PDIA4: variants seen among roughly 807,000 people sequenced by gnomAD.
PDIA4 encodes the protein protein disulfide isomerase family A member 4, also known as protein disulfide-isomerase A4.
Under a neutral mutation model 62.1 loss-of-function variants are expected in PDIA4, and 33 were observed. That is an observed-to-expected ratio of 0.53 (90% CI 0.40 to 0.71). The LOEUF (loss-of-function observed/expected upper bound fraction) is 0.71, where lower values mean the gene tolerates loss of function less well. Among genes scored for constraint, PDIA4 ranks in the 30% least tolerant of loss-of-function variants. The pLI is 0.00. For synonymous variants in PDIA4, 341 were observed against 324.1 expected (o/e 1.05, Z -0.56); for missense variants, 804 against 813.6 (o/e 0.99, Z 0.14).
intron 7 of PDIA4, 41 bp downstream of exon 7, chr7:149,008,118 G>A: frequency 6.3e-7 from 1 of 1,595,926 alleles, no homozygotes. Context: ...CCTCATGCCT[G>A]CGGGGTGTCC....
intron 9 of PDIA4, 111 bp downstream of exon 9, chr7:149,005,030 T>C (rs1487529355): frequency 1.3e-6 from 1 of 795,892 alleles, no homozygotes. Context: ...CTGGCTGACT[T>C]AAGGGGGTGT....
rs1823658616 is a variant in PDIA4 at position 149,004,161 on chromosome 7, T to C, written c.1571A>G (p.Lys524Arg). Residue 524 changes from lysine (K) to arginine (R), a missense_variant, in exon 10 of 10, where the codon AAG (lysine) becomes AGG (arginine). By Grantham distance (26) the Lys-to-Arg change is conservative. Transcript: ENST00000652332. ...IKSQPVPKNN[K>R]GPVKVVVGKT... ...TCCCACCACGACCTTGACGGGTCCC[T>C]TGTTGTTCTTGGGCACTGGCTGGGA... 2 of 1,613,976 alleles carry C rather than the reference T, an allele frequency of 1.2e-6. No individual in the cohort carries two copies. Among genetic ancestry groups the C allele is most frequent in the Non-Finnish European group, 1.7e-6 (2 of 1,179,962 alleles).
chr7:149,020,243 G>A (rs1438765988), intron 2 of PDIA4, among the ~76,000 whole-genome samples: 1 of 152,178 alleles, frequency 6.6e-6, no homozygotes, highest in African/African-American at 2.4e-5. Flanking sequence ...TTATAGGTGT[G>A]AGCCACCATG....
rs753851204 is a variant in PDIA4, at chr7:149,005,950, C to T, written c.1235G>A (p.Arg412His). Residue 412 changes from arginine to histidine, a missense_variant, in exon 8 of 10, where the codon CGC becomes CAC. Coordinates refer to ENST00000652332, the MANE Select transcript of PDIA4 (RefSeq NM_004911.5). ...ACTGTAGTAGACGACCACCAGGGGG[C>T]GCCTGGTGTAGCGCTTAGCATCGTT... ...VSNDAKRYTR[R>H]PLVVVYYSVD... is the part of the protein sequence containing the mutation. The T allele has an allele frequency of 4.6e-6, 7 of 1,530,662 alleles. No homozygotes were observed. The highest frequency in any genetic ancestry group is 1.5e-5 in the African/African-American group (1 of 68,886). The allele number at this position is 1,530,662 out of a possible 1,614,324, so 94.8% of individuals were successfully genotyped here.
At chr7:149,015,086 G>C in intron 3 of PDIA4, 44 bp from the exon 4 acceptor site, 1 of 1,607,368 alleles carries the variant, frequency 6.2e-7, no homozygotes, top group Non-Finnish European at 8.5e-7. Context: ...GCCCAAACTG[G>C]CAGGCACTTC....
At chr7:149,010,379 G>C (rs1033313675) in intron 6 of PDIA4, among the ~76,000 whole-genome samples, 1 of 152,160 alleles carries the variant, frequency 6.6e-6, no homozygotes, top group Non-Finnish European at 1.5e-5. Context: ...TGTAGTCCCA[G>C]CTACTTGGGA....
intron 9 of PDIA4, among the ~76,000 whole-genome samples, chr7:149,004,557 C>G (rs976331435): frequency 1.3e-5 from 2 of 152,362 alleles, no homozygotes; most frequent in Middle Eastern, 6.8e-3. Flanking sequence ...GACATCGGAA[C>G]AGCATGGCCT....
chr7:149,011,476 A>G (rs1028944875), intron 6 of PDIA4, among the ~76,000 whole-genome samples: 2 of 152,248 alleles, frequency 1.3e-5, no homozygotes, highest in Non-Finnish European at 2.9e-5. Context: ...GCAAGAGACC[A>G]CTAGGCTAAC....
At position 149,014,922 on chromosome 7, in the gene PDIA4, A is replaced by C; in HGVS notation, c.596T>G (p.Val199Gly). ...EVVNDADIILVEFYAPWCGHC... is the reference protein window; with the variant it reads ...EVVNDADIILGEFYAPWCGHC... ...ACCTTACCATGGGGCATAAAACTCC[A>C]CCAGAATGATATCTGCATCATTCAC... The change falls in exon 4 of 10, where the codon GTG becomes GGG. Residue 199 changes from valine (V) to glycine (G), a missense_variant. By Grantham distance (109) the Val-to-Gly change is moderately radical. Transcript: ENST00000652332. 2 of 1,614,096 alleles carry C rather than the reference A, an allele frequency of 1.2e-6. No homozygotes were observed. Among genetic ancestry groups the C allele is most frequent in the Non-Finnish European group, 1.7e-6 (2 of 1,179,980 alleles).
At chr7:149,012,486 G>T in intron 4 of PDIA4, 126 bp from the exon 5 acceptor site, 2 of 759,828 alleles carry the variant, frequency 2.6e-6, no homozygotes, top group Non-Finnish European at 4.4e-6. Flanking sequence ...GCCTCCGAAT[G>T]CCTCCTAGAC....
At chr7:149,009,968 G>A (rs1823889757) in intron 6 of PDIA4, among the ~76,000 whole-genome samples, 2 of 152,170 alleles carry the variant, frequency 1.3e-5, no homozygotes, top group Non-Finnish European at 2.9e-5. Flanking sequence ...TGGTCTAGAG[G>A]TTTGTGACTC....
intron 7 of PDIA4, among the ~76,000 whole-genome samples, chr7:149,006,883 T>C (rs1285066487): frequency 1.3e-5 from 2 of 152,204 alleles, no homozygotes; most frequent in African/African-American, 4.8e-5. Flanking sequence ...CCAGAAGAAC[T>C]GGGAGCAGCA....
chr7:149,020,873 A>T, intron 2 of PDIA4, 94 bp downstream of exon 2: 1 of 1,507,050 alleles, frequency 6.6e-7, no homozygotes, highest in Non-Finnish European at 8.9e-7. Context: ...AGACACTCCT[A>T]CCCCACCCCC....
At chr7:149,006,192 C>A in intron 7 of PDIA4, 139 bp from the exon 8 acceptor site, 1 of 747,756 alleles carries the variant, frequency 1.3e-6, no homozygotes, top group Non-Finnish European at 2.0e-6. Flanking sequence ...AGGGCTCGAC[C>A]CCACTCAAGC....
chr7:149,028,472 G>T lies in PDIA4; in HGVS notation c.-64C>A, dbSNP rs1242628406. On this transcript the variant is annotated 5_prime_UTR_variant, in exon 1 of 10. Transcript: ENST00000652332. The stretch of plus-strand genomic sequence containing the variant: ...CCGCTGAGCGCACCGAGAACTCGGG[G>T]TCTGGCCGACAGCCCGTCGCTCCTT... 7 of 1,180,936 alleles carry T rather than the reference G, an allele frequency of 5.9e-6. No homozygotes were observed. In the South Asian group the frequency reaches 7.7e-5, roughly 13 times the overall value. 73.2% of individuals were successfully genotyped at this position (1,180,936 alleles called of 1,614,324 possible).
chr7:149,012,460 T>C, intron 4 of PDIA4, 100 bp from the exon 5 acceptor site: 2 of 996,276 alleles, frequency 2.0e-6, no homozygotes, highest in Non-Finnish European at 3.1e-6. Context: ...CCTAGTAACC[T>C]GGCCACACCC....
chr7:149,028,029 G>A lies in PDIA4; in HGVS notation c.88+292C>T, dbSNP rs568471911. On this transcript the variant is annotated intron_variant, in intron 1 of 9. Coordinates refer to ENST00000652332, the MANE Select transcript of PDIA4 (RefSeq NM_004911.5). ...GGCGAAGGACCCAGCTGCAAAAAAG[G>A]CGCTCTGCAGCCCTCTCCCAGCCTC... 8.1e-6 allele frequency: 5 copies of A among 614,866 alleles called. No homozygotes were observed. In the East Asian group the frequency reaches 1.4e-4, roughly 18 times the overall value. 38.1% of individuals were successfully genotyped at this position (614,866 alleles called of 1,614,324 possible). A position where few individuals can be genotyped will look rare whatever the true frequency, so the allele number is the denominator to read the frequency against.
intron 7 of PDIA4, 70 bp from the exon 8 acceptor site, chr7:149,006,123 A>C (rs1823750403): frequency 6.7e-7 from 1 of 1,491,794 alleles, no homozygotes; most frequent in Admixed American, 2.8e-5. Context: ...ACAATGTTTG[A>C]GGGACTTTGG....
chr7:149,004,758 G>A (rs964869728), intron 9 of PDIA4, among the ~76,000 whole-genome samples: 1 of 152,188 alleles, frequency 6.6e-6, no homozygotes, highest in South Asian at 2.1e-4. Context: ...TGCCCCCTCT[G>A]CACACCCCGG....
Sources: gnomAD v4.1 joint callset for allele counts (sites outside exome capture counted in the v4.1 genomes callset) on GRCh38, gnomAD v4.1.1 for gene constraint, MANE v1.5 for transcripts, NCBI Gene and HGNC (gene_info 2026-07-23, HGNC 2026-07-21) for gene names.